TENM3: variants seen among roughly 807,000 people sequenced by gnomAD.
The protein encoded by TENM3 is teneurin transmembrane protein 3, also known as teneurin-3.
A neutral mutation model predicts 255.1 loss-of-function variants in TENM3; 63 were observed. The observed-to-expected ratio is 0.25, with a 90% CI of 0.20 to 0.30. The LOEUF (loss-of-function observed/expected upper bound fraction) is 0.30. Ranked by LOEUF, TENM3 falls within the 10% of genes least tolerant of loss-of-function variation. TENM3 has a pLI of 1.00. For missense variants in TENM3, 2,929 were observed against 3,461.1 expected, an observed-to-expected ratio of 0.85 and a Z score of 3.86; for synonymous variants, 1,306 against 1,322.3, an observed-to-expected ratio of 0.99 and a Z score of 0.27.
chr4:182,366,869 T>C (rs776312144), intron 3 of TENM3, among the ~76,000 whole-genome samples: 11 of 152,236 alleles, frequency 7.2e-5, no homozygotes, highest in Non-Finnish European at 1.6e-4. Flanking sequence ...GATCTATTTT[T>C]CAGTAAAAAT....
At chr4:182,680,159 C>G in intron 8 of TENM3, 89 bp from the exon 9 acceptor site, 1 of 967,698 alleles carries the variant, frequency 1.0e-6, no homozygotes, top group Non-Finnish European at 1.6e-6. Flanking sequence ...CTCAAATTAT[C>G]TAGCATAAAT....
At chr4:182,037,498 A>G in the TENM3 span, among the ~76,000 whole-genome samples, 2 of 152,290 alleles carry the variant, frequency 1.3e-5, no homozygotes, top group East Asian at 1.9e-4. Flanking sequence ...TCTTTGGATC[A>G]TATCACCAAA....
chr4:182,696,244 C>T (rs1041812924), intron 12 of TENM3, among the ~76,000 whole-genome samples: 20 of 152,124 alleles, frequency 1.3e-4, no homozygotes, highest in Non-Finnish European at 2.2e-4. Flanking sequence ...GGCAAATGAA[C>T]TACTGTTGAT....
chr4:182,041,986 G>A, the TENM3 span, among the ~76,000 whole-genome samples: 5 of 152,094 alleles, frequency 3.3e-5, no homozygotes, highest in Non-Finnish European at 5.9e-5. Flanking sequence ...GAGGACATTC[G>A]AAAGTAAAGA....
the TENM3 span, among the ~76,000 whole-genome samples, chr4:181,744,016 G>T: frequency 6.6e-6 from 1 of 151,906 alleles, no homozygotes; most frequent in Non-Finnish European, 1.5e-5. Flanking sequence ...GTTGTTCCCT[G>T]CCATGTGTCC....
chr4:182,705,437 C>T (rs1758203008), intron 12 of TENM3, among the ~76,000 whole-genome samples: 1 of 152,068 alleles, frequency 6.6e-6, no homozygotes, highest in Admixed American at 6.6e-5. Flanking sequence ...AGCCAGTAGC[C>T]CGGTGAAAAT....
At chr4:182,449,791 A>G (rs375488714) in intron 3 of TENM3, among the ~76,000 whole-genome samples, 3 of 152,358 alleles carry the variant, frequency 2.0e-5, no homozygotes, top group African/African-American at 4.8e-5. Flanking sequence ...GAGAAATTCA[A>G]CTTTGCAGTT....
At chr4:181,849,945 T>A in the TENM3 span, among the ~76,000 whole-genome samples, 1 of 30,974 alleles carries the variant, frequency 3.2e-5, no homozygotes, top group African/African-American at 5.8e-5. Flanking sequence ...TCTCTCTCTC[T>A]CTCTCACACA....
intron 3 of TENM3, among the ~76,000 whole-genome samples, chr4:182,443,728 C>T (rs958575620): frequency 6.6e-6 from 1 of 152,174 alleles, no homozygotes; most frequent in Non-Finnish European, 1.5e-5. Context: ...TCATCACACA[C>T]ACCCAGATCC....
chr4:181,744,024 T>C, the TENM3 span, among the ~76,000 whole-genome samples: 1 of 152,086 alleles, frequency 6.6e-6, no homozygotes. Context: ...CTGCCATGTG[T>C]CCATGTGTTC....
At chr4:181,562,909 A>C in the TENM3 span, among the ~76,000 whole-genome samples, 45 of 152,122 alleles carry the variant, frequency 3.0e-4, 1 homozygote, top group African/African-American at 1.0e-3. Flanking sequence ...TTCTGACATC[A>C]GGTGATTAGC....
chr4:182,772,095 T>C (rs1764282326), intron 22 of TENM3, among the ~76,000 whole-genome samples: 1 of 152,142 alleles, frequency 6.6e-6, no homozygotes, highest in African/African-American at 2.4e-5. Context: ...TCCCTCTCTC[T>C]ACTGTAACAT....
chr4:181,753,806 G>C, the TENM3 span, among the ~76,000 whole-genome samples: 4 of 152,298 alleles, frequency 2.6e-5, no homozygotes, highest in South Asian at 8.3e-4. Flanking sequence ...GCAGATGGCA[G>C]AGTGACTTAG....
the TENM3 span, among the ~76,000 whole-genome samples, chr4:181,499,259 A>T: frequency 6.6e-6 from 1 of 152,198 alleles, no homozygotes; most frequent in Non-Finnish European, 1.5e-5. Flanking sequence ...CAGCAATATC[A>T]TGAGTTTCCT....
chr4:182,418,584 C>T (rs775632375), intron 3 of TENM3, among the ~76,000 whole-genome samples: 3 of 151,814 alleles, frequency 2.0e-5, no homozygotes, highest in East Asian at 1.9e-4. Context: ...GTTTTTGAGA[C>T]GGGCCTCACC....
At chr4:181,537,023 C>T in the TENM3 span, among the ~76,000 whole-genome samples, 312 of 152,056 alleles carry the variant, frequency 2.1e-3, 3 homozygotes, top group African/African-American at 7.1e-3. Context: ...TTCCCTTTAA[C>T]GAGTAAAGAG....
chr4:181,833,606 G>A, the TENM3 span, among the ~76,000 whole-genome samples: 1 of 152,060 alleles, frequency 6.6e-6, no homozygotes, highest in Non-Finnish European at 1.5e-5. Flanking sequence ...ATTCAGTCAT[G>A]ACAAATTCAC....
intron 1 of TENM3, among the ~76,000 whole-genome samples, chr4:182,318,255 G>T (rs1323069094): frequency 6.6e-6 from 1 of 152,060 alleles, no homozygotes; most frequent in East Asian, 1.9e-4. Context: ...TCTCTACATA[G>T]ATATATATAA....
At chr4:182,354,060 G>T (rs1047541593) in intron 3 of TENM3, among the ~76,000 whole-genome samples, 9 of 151,758 alleles carry the variant, frequency 5.9e-5, no homozygotes, top group African/African-American at 2.2e-4. Context: ...CACTACTGTT[G>T]TTGTTACTAC....
Sources: allele counts gnomAD v4.1 joint callset (sites outside exome capture counted in the v4.1 genomes callset), GRCh38; gene constraint gnomAD v4.1.1; transcripts MANE v1.5; gene names NCBI Gene and HGNC (gene_info 2026-07-23, HGNC 2026-07-21).